The following KSR2 variants were observed in gnomAD, a reference collection of about 807,000 sequenced individuals.
The protein encoded by KSR2 is kinase suppressor of ras 2.
In KSR2, 25 loss-of-function variants were observed where a neutral mutation model predicts 107.8. The ratio of observed to expected loss-of-function variants is 0.23; its 90% CI spans 0.17 to 0.32. KSR2 has a LOEUF of 0.32. Ranked by LOEUF, KSR2 falls within the 10% of genes least tolerant of loss-of-function variation. The pLI is 1.00. For synonymous variants in KSR2, 480 were observed against 507.0 expected (o/e 0.95, Z 0.71); for missense variants, 887 against 1,268.9 (o/e 0.70, Z 4.57).
intron 1 of KSR2, among the ~76,000 whole-genome samples, chr12:117,952,710 G>A (rs1896398251): frequency 1.3e-5 from 2 of 150,946 alleles, no homozygotes; most frequent in Admixed American, 6.6e-5. Context: ...TTGGCCGTGC[G>A]TGGCGGCTCA....
At chr12:117,871,595 C>CA (rs139592636) in intron 1 of KSR2, among the ~76,000 whole-genome samples, 6,755 of 121,318 alleles carry the variant, frequency 0.056, 405 homozygotes, top group East Asian at 0.27. Context: ...GACCCTGTCT[C>CA]AAAAAAAAAA....
intron 1 of KSR2, among the ~76,000 whole-genome samples, chr12:117,887,294 G>A (rs774274016): frequency 6.6e-6 from 1 of 151,910 alleles, no homozygotes; most frequent in Admixed American, 6.6e-5. Context: ...TAGAGACAAG[G>A]TCTTGCTATG....
chr12:117,968,088 G>A lies in KSR2; in HGVS notation c.168C>T (p.Ile56=), dbSNP rs1270745092. Residue 56 remains isoleucine, a synonymous_variant, in exon 1 of 20, where the codon ATC becomes ATT. Coordinates refer to ENST00000339824, the MANE Select transcript of KSR2 (RefSeq NM_173598.6). ...AGGCAACACCTACCTCCAGGGTCCG[G>A]ATTTCTTTTTGTGTGAGGTCGTTGG... ...ATSNDLTQKE[I]RTLESKLVKY... The A allele has an allele frequency of 6.8e-7, 1 of 1,474,756 alleles. No individual in the cohort carries two copies. Among genetic ancestry groups the A allele is most frequent in the East Asian group, 2.5e-5 (1 of 39,282 alleles). The allele number at this position is 1,474,756 out of a possible 1,614,324, so 91.4% of individuals were successfully genotyped here.
rs1278903749 is a variant in KSR2 at position 117,462,023 on chromosome 12, C to G, written c.*5176G>C. On this transcript the variant is annotated 3_prime_UTR_variant, in exon 20 of 20. Coordinates refer to ENST00000339824, the MANE Select transcript of KSR2 (RefSeq NM_173598.6). ...CACTTACACACAGGCTGTTCCCATACAGCCACAGAACTGAGATCCAGAGCT... is the reference window on the plus strand; with the variant it reads ...CACTTACACACAGGCTGTTCCCATAGAGCCACAGAACTGAGATCCAGAGCT... The G allele has an allele frequency of 6.6e-6, 1 of 152,060 alleles. No homozygotes were observed. The highest frequency in any genetic ancestry group is 6.6e-5 in the Admixed American group (1 of 15,260). 9.4% of individuals were successfully genotyped at this position (152,060 alleles called of 1,614,324 possible).
chr12:117,569,156 T>A (rs1046219792), intron 7 of KSR2, among the ~76,000 whole-genome samples: 3 of 151,700 alleles, frequency 2.0e-5, no homozygotes, highest in South Asian at 2.1e-4. Context: ...TGCAAAAAAA[T>A]TGGACATTTT....
rs763619348 is a variant in KSR2 at position 117,525,237 on chromosome 12, G to A, written c.1852-18C>T. The A allele has an allele frequency of 8.9e-6, 14 of 1,565,918 alleles. No homozygotes were observed. Among genetic ancestry groups the A allele is most frequent in the African/African-American group, 1.3e-5 (1 of 74,284 alleles). The stretch of plus-strand genomic sequence containing the variant: ...TCTTCATTCTGTGGCCGGAGTGGGA[G>A]AGAGGTCAGAATTGTGTCTGCCACT... On this transcript the variant is annotated intron_variant, in intron 13 of 19. Transcript: ENST00000339824.
chr12:117,884,850 T>A (rs1239706028), intron 1 of KSR2, among the ~76,000 whole-genome samples: 1 of 152,184 alleles, frequency 6.6e-6, no homozygotes, highest in Non-Finnish European at 1.5e-5. Flanking sequence ...CCTTCTTCTC[T>A]ACCATCTGCT....
At chr12:117,850,421 C>T (rs1302281593) in intron 3 of KSR2, among the ~76,000 whole-genome samples, 3 of 152,128 alleles carry the variant, frequency 2.0e-5, no homozygotes, top group Non-Finnish European at 4.4e-5. Flanking sequence ...ATGTGAAATC[C>T]AAGCCTCATC....
chr12:117,756,429 T>A (rs368041419), intron 4 of KSR2, among the ~76,000 whole-genome samples: 4 of 152,348 alleles, frequency 2.6e-5, no homozygotes, highest in African/African-American at 9.6e-5. Flanking sequence ...ACTTTATAAA[T>A]GGAACAGCAA....
At chr12:117,608,150 C>T (rs965158219) in intron 5 of KSR2, among the ~76,000 whole-genome samples, 7 of 152,206 alleles carry the variant, frequency 4.6e-5, no homozygotes, top group African/African-American at 1.2e-4. Flanking sequence ...AGTACTTAAC[C>T]TCTCTGACCC....
At chr12:117,695,373 T>C (rs1421027730) in intron 4 of KSR2, among the ~76,000 whole-genome samples, 4 of 152,110 alleles carry the variant, frequency 2.6e-5, no homozygotes, top group Admixed American at 2.6e-4. Flanking sequence ...GTGGTTTAAA[T>C]AACAAATGTT....
At chr12:117,834,477 T>G (rs943032962) in intron 3 of KSR2, among the ~76,000 whole-genome samples, 3 of 151,510 alleles carry the variant, frequency 2.0e-5, no homozygotes, top group Admixed American at 6.6e-5. Context: ...CTATGGTGAT[T>G]TGAATGAAAA....
intron 14 of KSR2, among the ~76,000 whole-genome samples, chr12:117,490,129 T>C (rs1483985571): frequency 1.3e-5 from 2 of 152,172 alleles, no homozygotes; most frequent in Admixed American, 6.5e-5. Context: ...CGTGGATGCA[T>C]AGCCTTGATG....
intron 1 of KSR2, among the ~76,000 whole-genome samples, chr12:117,956,249 CAAAAAAAAAAAAAA>C (rs59662300): frequency 4.2e-5 from 2 of 47,514 alleles, no homozygotes; most frequent in African/African-American, 8.0e-5. Context: ...GACTCTGTCT[CAAAAAAAAAAAAAA>C]AAAAAAAAAA....
intron 1 of KSR2, among the ~76,000 whole-genome samples, chr12:117,878,899 A>G (rs147075951): frequency 6.5e-4 from 99 of 152,342 alleles, no homozygotes; most frequent in Non-Finnish European, 1.1e-3. Context: ...GGAATTAACA[A>G]AAGTTACATA....
At position 117,459,967 on chromosome 12, in the gene KSR2, A is replaced by C. The variant is rs1870809214; in HGVS notation, c.*7232T>G. The C allele has an allele frequency of 6.6e-6, 1 of 152,236 alleles. No individual in the cohort carries two copies. Among genetic ancestry groups the C allele is most frequent in the Non-Finnish European group, 1.5e-5 (1 of 68,052 alleles). The allele number at this position is 152,236 out of a possible 1,614,324, so 9.4% of individuals were successfully genotyped here. A position where few individuals can be genotyped will look rare whatever the true frequency, so the allele number is the denominator to read the frequency against. On this transcript the variant is annotated 3_prime_UTR_variant, in exon 20 of 20. Transcript: ENST00000339824. ...AGAAACAAGCCTGGGAAAGCTTGGG[A>C]AGAACAGCCTCCTATCAGGCATTTA...
At chr12:117,835,944 A>G (rs1593285680) in intron 3 of KSR2, among the ~76,000 whole-genome samples, 1 of 151,912 alleles carries the variant, frequency 6.6e-6, no homozygotes, top group East Asian at 1.9e-4. Flanking sequence ...AAGGCCGCCT[A>G]CCCTACAGCC....
chr12:117,766,584 C>T (rs2136893474), intron 3 of KSR2, among the ~76,000 whole-genome samples: 1 of 152,172 alleles, frequency 6.6e-6, no homozygotes, highest in South Asian at 2.1e-4. Context: ...AGTAAGTACT[C>T]ACAATACCAA....
intron 14 of KSR2, among the ~76,000 whole-genome samples, chr12:117,492,562 G>C (rs1271758367): frequency 6.6e-6 from 1 of 152,200 alleles, no homozygotes; most frequent in Non-Finnish European, 1.5e-5. Context: ...TCTATAACCA[G>C]GAGTGTGGTG....
Sources: allele counts gnomAD v4.1 joint callset (sites outside exome capture counted in the v4.1 genomes callset), GRCh38; gene constraint gnomAD v4.1.1; transcripts MANE v1.5; gene names NCBI Gene and HGNC (gene_info 2026-07-23, HGNC 2026-07-21).